ZNF250: variants seen among roughly 807,000 people sequenced by gnomAD.
The protein encoded by ZNF250 is zinc finger protein 250.
ZNF250 carries 13 observed loss-of-function variants against 37.1 expected under a neutral mutation model. The ratio of observed to expected loss-of-function variants is 0.35; its 90% CI spans 0.23 to 0.56. The LOEUF (loss-of-function observed/expected upper bound fraction) is 0.56. ZNF250 is among the 20% of genes least tolerant of loss of function. The pLI is 0.87. For synonymous variants in ZNF250, 251 were observed against 265.6 expected (o/e 0.94, Z 0.54); for missense variants, 474 against 697.9 (o/e 0.68, Z 3.61).
In ZNF250 at chr8:144,880,546, G is replaced by A. The variant is rs1831398242; in HGVS notation, c.*969C>T. 1 of 454,660 alleles carries A rather than the reference G, an allele frequency of 2.2e-6. No individual in the cohort carries two copies. The highest frequency in any genetic ancestry group is 4.4e-6 in the Non-Finnish European group (1 of 225,568). The allele number at this position is 454,660 out of a possible 1,614,324, so 28.2% of individuals were successfully genotyped here. A position where few individuals can be genotyped will look rare whatever the true frequency, so the allele number is the denominator to read the frequency against. On this transcript the variant is annotated 3_prime_UTR_variant, in exon 6 of 6. Transcript: ENST00000417550. ...AAGTTAGCATAACCTTTCTGATCTT[G>A]AATAAAGTTAAAAGCTCCAGATAAA... is the stretch of plus-strand genomic sequence containing the variant.
At chr8:144,898,167 C>G (rs774633886) in intron 1 of ZNF250, among the ~76,000 whole-genome samples, 2 of 152,020 alleles carry the variant, frequency 1.3e-5, no homozygotes, top group Non-Finnish European at 2.9e-5. Context: ...TGTGGTGGCA[C>G]GTGCCTGTAA....
At position 144,891,851 on chromosome 8, in the gene ZNF250, C is replaced by T. The variant is rs552873647; in HGVS notation, c.-54-1448G>A. Among the ~76,000 whole-genome samples, 3 of 152,212 alleles carry T rather than the reference C, an allele frequency of 2.0e-5. No homozygotes were observed. The highest frequency in any genetic ancestry group is 2.0e-4 in the Admixed American group (3 of 15,274). ...TGGGCAACCAAGAGCAAAACTCCATCTCAAAACAAAAACAAAAACAAAAAT... is the reference window on the plus strand; with the variant it reads ...TGGGCAACCAAGAGCAAAACTCCATTTCAAAACAAAAACAAAAACAAAAAT... On this transcript the variant is annotated intron_variant, in intron 1 of 5. Coordinates refer to ENST00000417550, the MANE Select transcript of ZNF250 (RefSeq NM_001109689.4). The surrounding 1 kb of genome is among the most constrained non-coding windows in gnomAD (Gnocchi z 4.0).
intron 5 of ZNF250, among the ~76,000 whole-genome samples, chr8:144,883,342 C>CTTT (rs538221806): frequency 3.5e-5 from 5 of 140,882 alleles, no homozygotes; most frequent in African/African-American, 1.0e-4. Flanking sequence ...AAAATAATTT[C>CTTT]TTTTTTTTTT....
chr8:144,886,722 A>G, intron 5 of ZNF250, 118 bp downstream of exon 5: 1 of 791,110 alleles, frequency 1.3e-6, no homozygotes, highest in Non-Finnish European at 2.0e-6. Flanking sequence ...TTTTGTAGCA[A>G]TTGTGTGAGT....
chr8:144,887,302 C>T (rs1192500025), intron 4 of ZNF250, among the ~76,000 whole-genome samples: 1 of 145,200 alleles, frequency 6.9e-6, no homozygotes, highest in East Asian at 2.0e-4. Context: ...CCTTTCGTTG[C>T]TATTACAACA....
chr8:144,890,624 G>C lies in ZNF250; in HGVS notation c.-54-221C>G, dbSNP rs1238801454. 6.6e-6 allele frequency among the ~76,000 whole-genome samples: 1 copy of C among 152,076 alleles called. No homozygotes were observed. The highest frequency in any genetic ancestry group is 1.5e-5 in the Non-Finnish European group (1 of 67,988). ...TCCAGGCCCTGAACACACAGTTCCT[G>C]GGCCTGCCCAGCTAGTACTGGGCTC... is the stretch of plus-strand genomic sequence containing the variant. On this transcript the variant is annotated intron_variant, in intron 1 of 5. Transcript: ENST00000417550. This position sits in a 1 kb window ranked among gnomAD's most constrained non-coding sequence, Gnocchi z 5.1.
rs917089653 is a variant in ZNF250 at position 144,890,710 on chromosome 8, C to T, written c.-54-307G>A. 5.3e-5 allele frequency among the ~76,000 whole-genome samples: 8 copies of T among 152,180 alleles called. No individual in the cohort carries two copies. The highest frequency in any genetic ancestry group is 5.2e-4 in the Admixed American group (8 of 15,282). On this transcript the variant is annotated intron_variant, in intron 1 of 5. Transcript: ENST00000417550. The surrounding 1 kb of genome is among the most constrained non-coding windows in gnomAD (Gnocchi z 5.1). ...GGTCCCGGCCCATGGTCCTGCCATA[C>T]ACAAGGATACCAGCTCACCAAGGCT... is the stretch of plus-strand genomic sequence containing the variant.
intron 5 of ZNF250, among the ~76,000 whole-genome samples, chr8:144,883,790 A>C (rs576643907): frequency 1.8e-4 from 28 of 152,324 alleles, no homozygotes; most frequent in African/African-American, 6.7e-4. Context: ...ATGGCGGGAA[A>C]GGCAGGGGTG....
At chr8:144,885,014 C>T (rs1034334051) in intron 5 of ZNF250, among the ~76,000 whole-genome samples, 4 of 152,034 alleles carry the variant, frequency 2.6e-5, no homozygotes, top group African/African-American at 4.8e-5. Context: ...GGTAATTCTG[C>T]GTCTTTTTAT....
chr8:144,892,186 ATG>A (rs1277211196), intron 1 of ZNF250, among the ~76,000 whole-genome samples: 1 of 152,196 alleles, frequency 6.6e-6, no homozygotes, highest in Non-Finnish European at 1.5e-5. Context: ...TTCCCTCCAA[ATG>A]TGTGTGTGAG....
intron 1 of ZNF250, among the ~76,000 whole-genome samples, chr8:144,896,602 A>G (rs1450648205): frequency 6.6e-6 from 1 of 152,152 alleles, no homozygotes; most frequent in Non-Finnish European, 1.5e-5. Context: ...AACACACTCC[A>G]TCCACACTTC....
chr8:144,880,747 C>T lies in ZNF250; in HGVS notation c.*768G>A. ...GGTGTGGTGGCGCATATCTATAATC[C>T]TAGTTACTTGGGAGACTGAGGCACA... On this transcript the variant is annotated 3_prime_UTR_variant, in exon 6 of 6. Coordinates refer to ENST00000417550, the MANE Select transcript of ZNF250 (RefSeq NM_001109689.4). 1 of 309,724 alleles carries T rather than the reference C, an allele frequency of 3.2e-6. No homozygotes were observed. Among genetic ancestry groups the T allele is most frequent in the Non-Finnish European group, 6.5e-6 (1 of 153,350 alleles). The allele number at this position is 309,724 out of a possible 1,614,324, so 19.2% of individuals were successfully genotyped here.
intron 5 of ZNF250, among the ~76,000 whole-genome samples, chr8:144,884,672 G>A (rs1831742382): frequency 6.6e-6 from 1 of 152,114 alleles, no homozygotes; most frequent in Non-Finnish European, 1.5e-5. Flanking sequence ...GTGGGAAGTG[G>A]TGAACATAGG....
In ZNF250 at chr8:144,890,121, T is replaced by G; in HGVS notation, c.43-62A>C. The G allele has an allele frequency of 1.3e-6, 2 of 1,585,530 alleles. No homozygotes were observed. Among genetic ancestry groups the G allele is most frequent in the South Asian group, 1.1e-5 (1 of 87,336 alleles). On this transcript the variant is annotated intron_variant, in intron 2 of 5. Transcript: ENST00000417550. This position sits in a 1 kb window ranked among gnomAD's most constrained non-coding sequence, Gnocchi z 5.1. ...CCTGATGTCTGTGATGGGGAGTGGG[T>G]GCATGTGACATGTGACATGAGCAGT...
rs778489869 is a variant in ZNF250 at position 144,891,110 on chromosome 8, C to G, written c.-54-707G>C. The stretch of plus-strand genomic sequence containing the variant: ...GGACAAGGTAAGCAAAGGTATCTGA[C>G]ACACACCCAAACAGCTGGGAAAAAG... On this transcript the variant is annotated intron_variant, in intron 1 of 5. Coordinates refer to ENST00000417550, the MANE Select transcript of ZNF250 (RefSeq NM_001109689.4). This position sits in a 1 kb window ranked among gnomAD's most constrained non-coding sequence, Gnocchi z 4.0. Among the ~76,000 whole-genome samples the G allele has an allele frequency of 9.9e-5, 15 of 152,124 alleles. No individual in the cohort carries two copies. The highest frequency in any genetic ancestry group is 3.1e-4 in the African/African-American group (13 of 41,408).
chr8:144,900,920 G>A (rs1833056386), intron 1 of ZNF250, among the ~76,000 whole-genome samples: 1 of 152,246 alleles, frequency 6.6e-6, no homozygotes, highest in Non-Finnish European at 1.5e-5. Context: ...GGGGACGCGA[G>A]ACCCCGAGGA....
intron 1 of ZNF250, among the ~76,000 whole-genome samples, chr8:144,900,072 AAT>A (rs1015338786): frequency 1.4e-4 from 22 of 152,250 alleles, no homozygotes; most frequent in African/African-American, 5.1e-4. Context: ...CATGGAAAAA[AAT>A]ATGAGCTGGC....
In ZNF250 at chr8:144,890,381, G is replaced by C; in HGVS notation, c.-32C>G. On this transcript the variant is annotated 5_prime_UTR_variant, in exon 2 of 6. Transcript: ENST00000417550. This position sits in a 1 kb window ranked among gnomAD's most constrained non-coding sequence, Gnocchi z 5.1. The stretch of plus-strand genomic sequence containing the variant: ...GTCTCCTGGGGACTCCGAGGATCAC[G>C]GAAATTGAAGGAGCCTATGGGGCTG... 6.8e-7 allele frequency: 1 copy of C among 1,464,612 alleles called. No individual in the cohort carries two copies. The highest frequency in any genetic ancestry group is 9.0e-7 in the Non-Finnish European group (1 of 1,105,526). 90.7% of individuals were successfully genotyped at this position (1,464,612 alleles called of 1,614,324 possible).
At position 144,882,459 on chromosome 8, in the gene ZNF250, T is replaced by G. The variant is rs1831555731; in HGVS notation, c.724A>C (p.Arg242=). The G allele has an allele frequency of 3.7e-6, 6 of 1,614,136 alleles. No individual in the cohort carries two copies. In the East Asian group the frequency reaches 1.3e-4, roughly 36 times the overall value. ...SQSSVLSKHR[R]IHTGEKPYEC... ...TAGGGCTTCTCACCTGTGTGAATTC[T>G]CCTGTGTTTACTAAGGACTGAGCTC... Residue 242 remains arginine, a synonymous_variant, in exon 6 of 6, where the codon AGA becomes CGA. Coordinates refer to ENST00000417550, the MANE Select transcript of ZNF250 (RefSeq NM_001109689.4). This position sits in a 1 kb window ranked among gnomAD's most constrained non-coding sequence, Gnocchi z 5.5.
Sources: allele counts gnomAD v4.1 joint callset (sites outside exome capture counted in the v4.1 genomes callset), GRCh38; gene constraint gnomAD v4.1.1; non-coding constraint Gnocchi (gnomAD v3.1); transcripts MANE v1.5; gene names NCBI Gene and HGNC (gene_info 2026-07-23, HGNC 2026-07-21).